Variants in FRMD6 observed in about 807,000 individuals in gnomAD.
FRMD6 encodes FERM domain containing 6.
Under a neutral mutation model 73.2 loss-of-function variants are expected in FRMD6, and 37 were observed. That is an observed-to-expected ratio of 0.51 (90% confidence interval 0.39 to 0.66). The LOEUF (loss-of-function observed/expected upper bound fraction) is 0.66, where lower values mean the gene tolerates loss of function less well. Ranked by LOEUF, FRMD6 falls within the 30% of genes least tolerant of loss-of-function variation. The pLI is 0.00. For missense variants in FRMD6, 714 were observed against 780.5 expected, an observed-to-expected ratio of 0.91 and a Z score of 1.02; for synonymous variants, 273 against 282.2, an observed-to-expected ratio of 0.97 and a Z score of 0.33.
chr14:51,530,615 G>A (rs1885527043), intron 1 of FRMD6, among the ~76,000 whole-genome samples: 1 of 151,102 alleles, frequency 6.6e-6, no homozygotes, highest in Admixed American at 6.6e-5. Context: ...CGAGTAGCTG[G>A]GACCACAGGC....
chr14:51,729,035 A>C lies in FRMD6; in HGVS notation c.*1006A>C, dbSNP rs557249394. 7.2e-5 allele frequency: 11 copies of C among 152,304 alleles called. No individual in the cohort carries two copies. The East Asian group carries it at 2.1e-3, about 29-fold the overall frequency. 9.4% of individuals were successfully genotyped at this position (152,304 alleles called of 1,614,324 possible). On this transcript the variant is annotated 3_prime_UTR_variant, in exon 14 of 14. Transcript: ENST00000344768. ...TACATGGAATTCCTTAAGATTGAGA[A>C]TATGTCACTGAGTGAATGATACCTG...
intron 1 of FRMD6, among the ~76,000 whole-genome samples, chr14:51,557,813 G>A (rs1037112598): frequency 3.3e-5 from 5 of 152,088 alleles, no homozygotes; most frequent in Non-Finnish European, 4.4e-5. Context: ...CTTGAAGGTC[G>A]AGAGAGGGAG....
the FRMD6 span, among the ~76,000 whole-genome samples, chr14:51,465,565 C>G: frequency 6.6e-6 from 1 of 152,066 alleles, no homozygotes; most frequent in Non-Finnish European, 1.5e-5. Context: ...GTTAAAGAAG[C>G]CAGACAAAAA....
chr14:51,532,597 G>A (rs1185146553), intron 1 of FRMD6, among the ~76,000 whole-genome samples: 1 of 152,132 alleles, frequency 6.6e-6, no homozygotes. Flanking sequence ...CACCCAGGTG[G>A]AAGTGTTAAC....
At chr14:51,567,854 C>T (rs35010238) in intron 1 of FRMD6, among the ~76,000 whole-genome samples, 3 of 152,172 alleles carry the variant, frequency 2.0e-5, no homozygotes, top group African/African-American at 7.2e-5. Context: ...AGACTCATAT[C>T]TAATACTTCT....
chr14:51,403,047 G>T, the FRMD6 span, among the ~76,000 whole-genome samples: 1 of 152,148 alleles, frequency 6.6e-6, no homozygotes, highest in South Asian at 2.1e-4. Flanking sequence ...GCTTACGAAG[G>T]CTTGAAATTC....
the FRMD6 span, among the ~76,000 whole-genome samples, chr14:51,397,915 T>C: frequency 1.3e-5 from 2 of 152,208 alleles, no homozygotes; most frequent in East Asian, 1.9e-4. Flanking sequence ...AGGTATATAG[T>C]CAAATATTCG....
intron 1 of FRMD6, among the ~76,000 whole-genome samples, chr14:51,673,724 A>G (rs1401589243): frequency 6.6e-6 from 1 of 152,196 alleles, no homozygotes; most frequent in African/African-American, 2.4e-5. Flanking sequence ...TGGAGGGGAA[A>G]AAAAGTACAG....
the FRMD6 span, among the ~76,000 whole-genome samples, chr14:51,438,984 A>C: frequency 6.6e-6 from 1 of 152,338 alleles, no homozygotes; most frequent in African/African-American, 2.4e-5. Flanking sequence ...TGACTATATA[A>C]ATCTGGGTGG....
intron 2 of FRMD6, among the ~76,000 whole-genome samples, chr14:51,639,432 C>CT (rs1209467911): frequency 7.8e-6 from 1 of 127,422 alleles, no homozygotes; most frequent in Non-Finnish European, 1.7e-5. Context: ...AAGACTCCAT[C>CT]TCAAAAAAAA....
At chr14:51,599,058 C>CTTTTCTTTTTTTTTTTTTTTTTTTT (rs1158794443) in intron 2 of FRMD6, among the ~76,000 whole-genome samples, 1 of 72,824 alleles carries the variant, frequency 1.4e-5, no homozygotes, top group Non-Finnish European at 2.5e-5. Context: ...CAGTATCTGT[C>CTTTTCTTTTTTTTTTTTTTTTTTTT]TTTTTTTTTT....
chr14:51,603,914 C>A (rs7161077), intron 2 of FRMD6, among the ~76,000 whole-genome samples: 1 of 150,238 alleles, frequency 6.7e-6, no homozygotes, highest in African/African-American at 2.5e-5. Context: ...ATACGATGTC[C>A]TGCCTTCCAC....
intron 2 of FRMD6, among the ~76,000 whole-genome samples, chr14:51,645,395 T>A (rs1401167820): frequency 6.6e-6 from 1 of 152,182 alleles, no homozygotes. Context: ...TTAGCCTCAG[T>A]GAACTTCCCA....
intron 1 of FRMD6, among the ~76,000 whole-genome samples, chr14:51,665,446 G>T (rs958032655): frequency 1.3e-5 from 2 of 151,896 alleles, no homozygotes; most frequent in Non-Finnish European, 2.9e-5. Flanking sequence ...TAGCCAAATT[G>T]TTCTTCCCAT....
chr14:51,399,329 T>A, the FRMD6 span, among the ~76,000 whole-genome samples: 1 of 152,190 alleles, frequency 6.6e-6, no homozygotes, highest in Non-Finnish European at 1.5e-5. Flanking sequence ...CCATCACAGT[T>A]ACTTGAAAAT....
chr14:51,501,707 AATATAT>A (rs779214289), intron 1 of FRMD6, among the ~76,000 whole-genome samples: 1 of 151,256 alleles, frequency 6.6e-6, no homozygotes, highest in Non-Finnish European at 1.5e-5. Flanking sequence ...ATAATAAAAC[AATATAT>A]ATATATATCC....
At chr14:51,434,837 A>G in the FRMD6 span, among the ~76,000 whole-genome samples, 11 of 152,194 alleles carry the variant, frequency 7.2e-5, no homozygotes, top group Non-Finnish European at 1.5e-5. Flanking sequence ...AATATTGTGT[A>G]TTTCTTGATA....
intron 1 of FRMD6, among the ~76,000 whole-genome samples, chr14:51,498,664 G>C (rs1344682020): frequency 1.3e-5 from 2 of 152,120 alleles, no homozygotes; most frequent in Non-Finnish European, 2.9e-5. Context: ...TCATGTGGTG[G>C]TGGCAGTGTT....
the FRMD6 span, among the ~76,000 whole-genome samples, chr14:51,442,561 C>G: frequency 1.3e-5 from 2 of 152,190 alleles, no homozygotes; most frequent in African/African-American, 2.4e-5. Context: ...CCTTGCTTGT[C>G]TTTAGTTTTA....
Sources: allele counts gnomAD v4.1 joint callset (sites outside exome capture counted in the v4.1 genomes callset), GRCh38; gene constraint gnomAD v4.1.1; transcripts MANE v1.5; gene names NCBI Gene and HGNC (gene_info 2026-07-23, HGNC 2026-07-21).